CYP27C1: variants seen among roughly 807,000 people sequenced by gnomAD.
CYP27C1 encodes the protein cytochrome P450 27C1.
In CYP27C1, 29 loss-of-function variants were observed where a neutral mutation model predicts 40.6. That is an observed-to-expected ratio of 0.71 (90% CI 0.53 to 0.97). CYP27C1 has a LOEUF of 0.97. Among genes scored for constraint, CYP27C1 ranks in the 50% least tolerant of loss-of-function variants. The pLI is 0.00. For missense variants in CYP27C1, 390 were observed against 485.8 expected, an observed-to-expected ratio of 0.80 and a Z score of 1.85; for synonymous variants, 198 against 186.8, an observed-to-expected ratio of 1.06 and a Z score of -0.49.
At chr2:127,199,757 T>A (rs1682989537) in intron 4 of CYP27C1, among the ~76,000 whole-genome samples, 1 of 152,228 alleles carries the variant, frequency 6.6e-6, no homozygotes, top group African/African-American at 2.4e-5. Flanking sequence ...GTATCTTCCT[T>A]TTTAAAAATA....
intron 8 of CYP27C1, 104 bp from the exon 9 acceptor site, chr2:127,187,491 G>C (rs1682657650): frequency 1.0e-6 from 1 of 990,098 alleles, no homozygotes; most frequent in Non-Finnish European, 1.6e-6. Context: ...GGGCTGCAGA[G>C]AGCGCAGGCA....
chr2:127,202,408 G>A (rs761171307), intron 3 of CYP27C1, among the ~76,000 whole-genome samples: 12 of 152,176 alleles, frequency 7.9e-5, no homozygotes, highest in Non-Finnish European at 1.8e-4. Flanking sequence ...TTACAGGCGT[G>A]AGCCACCGCA....
intron 1 of CYP27C1, among the ~76,000 whole-genome samples, chr2:127,216,713 T>C (rs1683437145): frequency 6.6e-6 from 1 of 152,172 alleles, no homozygotes; most frequent in Non-Finnish European, 1.5e-5. Flanking sequence ...TAAAAAGAAA[T>C]CACAATAAAT....
rs1308069177 is a variant in CYP27C1, at chr2:127,204,421, G to C, written c.474-850C>G. 5.2e-4 allele frequency among the ~76,000 whole-genome samples: 63 copies of C among 121,486 alleles called. 2 individuals are homozygous for C. Among genetic ancestry groups the C allele is most frequent in the Admixed American group, 4.4e-3 (51 of 11,638 alleles). 79.7% of individuals were successfully genotyped at this position (121,486 alleles called of 152,430 possible). A position where few individuals can be genotyped will look rare whatever the true frequency, so the allele number is the denominator to read the frequency against. On this transcript the variant is annotated intron_variant, in intron 2 of 8. Coordinates refer to ENST00000664447, the MANE Select transcript of CYP27C1 (RefSeq NM_001367502.1). ...GAGAGAGAGAAAGAAAGAAAAGAAA[G>C]AGAGAAAGGAAAGAAAGAAAAAGAA...
At chr2:127,197,900 C>T (rs1682940811) in intron 5 of CYP27C1, among the ~76,000 whole-genome samples, 1 of 151,986 alleles carries the variant, frequency 6.6e-6, no homozygotes, top group Non-Finnish European at 1.5e-5. Context: ...CAGCCAAAAA[C>T]CCATGTTAAC....
intron 1 of CYP27C1, among the ~76,000 whole-genome samples, chr2:127,214,690 A>AACTTAGAT (rs559760295): frequency 6.7e-4 from 102 of 151,908 alleles, no homozygotes; most frequent in Non-Finnish European, 1.3e-3. Context: ...GAGGGGAGGA[A>AACTTAGAT]ACTTAGATGG....
At chr2:127,215,017 T>C (rs1458180829) in intron 1 of CYP27C1, among the ~76,000 whole-genome samples, 1 of 151,204 alleles carries the variant, frequency 6.6e-6, no homozygotes, top group African/African-American at 2.4e-5. Context: ...TAGTCCCAGC[T>C]ACTCGGGAGG....
Position 127,208,722 on chromosome 2 carries a change from A to C in CYP27C1, c.283-2632T>G, listed in dbSNP as rs182331376. Among the ~76,000 whole-genome samples, 42 of 152,240 alleles carry C rather than the reference A, an allele frequency of 2.8e-4. No homozygotes were observed. In the East Asian group the frequency reaches 7.9e-3, roughly 29 times the overall value. ...AAGAGTTATCCCCACAGCTCAACAC[A>C]CCAGCTGTGGCAGTTGGCAGCCAGA... On this transcript the variant is annotated intron_variant, in intron 1 of 8. Coordinates refer to ENST00000664447, the MANE Select transcript of CYP27C1 (RefSeq NM_001367502.1). The surrounding 1 kb of genome is among the most constrained non-coding windows in gnomAD (Gnocchi z 5.2).
At chr2:127,199,057 G>A (rs1355178798) in intron 5 of CYP27C1, among the ~76,000 whole-genome samples, 1 of 152,202 alleles carries the variant, frequency 6.6e-6, no homozygotes, top group Non-Finnish European at 1.5e-5. Flanking sequence ...GGCCAAGGCG[G>A]GTGGATCACC....
In CYP27C1 at chr2:127,189,439, A is replaced by T. The variant is rs568116752; in HGVS notation, c.1498-2052T>A. Reference sequence around the variant, plus strand: ...GGACACAGGGAGGGGAACATCACACACAGGGGCCTGTCAGGGGGATAGGGG... The same window carrying T: ...GGACACAGGGAGGGGAACATCACACTCAGGGGCCTGTCAGGGGGATAGGGG... On this transcript the variant is annotated intron_variant, in intron 8 of 8. Coordinates refer to ENST00000664447, the MANE Select transcript of CYP27C1 (RefSeq NM_001367502.1). 1.2e-4 allele frequency among the ~76,000 whole-genome samples: 19 copies of T among 152,058 alleles called. 1 individual carries two copies. Among genetic ancestry groups the T allele is most frequent in the African/African-American group, 4.6e-4 (19 of 41,492 alleles).
chr2:127,204,559 A>G (rs796712420), intron 2 of CYP27C1, among the ~76,000 whole-genome samples: 2,871 of 35,188 alleles, frequency 0.082, 67 homozygotes, highest in Admixed American at 0.13. Flanking sequence ...GAGAGAGAGA[A>G]AGAAAGAAAG....
At position 127,185,063 on chromosome 2, in the gene CYP27C1, C is replaced by A; in HGVS notation, c.*2208G>T. Reference sequence around the variant, plus strand: ...CAAACTCCTGGCCTCAAGCAATCCTCCTGCCTCAACCTCCCCAGAGTGCTG... The same window carrying A: ...CAAACTCCTGGCCTCAAGCAATCCTACTGCCTCAACCTCCCCAGAGTGCTG... On this transcript the variant is annotated 3_prime_UTR_variant, in exon 9 of 9. Coordinates refer to ENST00000664447, the MANE Select transcript of CYP27C1 (RefSeq NM_001367502.1). This position sits in a 1 kb window ranked among gnomAD's most constrained non-coding sequence, Gnocchi z 4.9. 1 of 152,750 alleles carries A rather than the reference C, an allele frequency of 6.5e-6. No individual in the cohort carries two copies. Among genetic ancestry groups the A allele is most frequent in the South Asian group, 2.0e-4 (1 of 5,002 alleles). 9.5% of individuals were successfully genotyped at this position (152,750 alleles called of 1,614,324 possible). A position where few individuals can be genotyped will look rare whatever the true frequency, so the allele number is the denominator to read the frequency against.
intron 6 of CYP27C1, among the ~76,000 whole-genome samples, chr2:127,194,219 C>T (rs1682851733): frequency 6.6e-6 from 1 of 152,082 alleles, no homozygotes; most frequent in South Asian, 2.1e-4. Flanking sequence ...GACTTAAGGC[C>T]CCATGAAATG....
At position 127,204,445 on chromosome 2, in the gene CYP27C1, AAAG is replaced by A. The variant is rs1391063473; in HGVS notation, c.474-877_474-875del. On this transcript the variant is annotated intron_variant, in intron 2 of 8. Coordinates refer to ENST00000664447, the MANE Select transcript of CYP27C1 (RefSeq NM_001367502.1). ...AGAGAGAAAGGAAAGAAAGAAAAAG[AAAG>A]AAAGAAAGAAAGAAAGAAAGAAAGA... 1.2e-4 allele frequency among the ~76,000 whole-genome samples: 3 copies of A among 25,506 alleles called. 1 individual carries two copies. Among genetic ancestry groups the A allele is most frequent in the African/African-American group, 3.1e-4 (2 of 6,472 alleles). 16.7% of individuals were successfully genotyped at this position (25,506 alleles called of 152,430 possible).
In CYP27C1 at chr2:127,220,161, A is replaced by G. The variant is rs950006231; in HGVS notation, c.110T>C (p.Leu37Pro). ...GTCCTCGGCCCGCGCCCCCGCCGGG[A>G]GCCGTGCGCCCGCGGGTTGAGGCCG... ...PRRPQPAGAR[L>P]PAGARAEDKG... Residue 37 changes from leucine to proline, a missense_variant, in exon 1 of 9, where the codon CTC becomes CCC. Physicochemically the swap from Leu to Pro is moderately conservative, Grantham distance 98. Coordinates refer to ENST00000664447, the MANE Select transcript of CYP27C1 (RefSeq NM_001367502.1). This position sits in a 1 kb window ranked among gnomAD's most constrained non-coding sequence, Gnocchi z 4.6. 6.7e-6 allele frequency: 1 copy of G among 149,334 alleles called. No homozygotes were observed. The highest frequency in any genetic ancestry group is 1.5e-5 in the Non-Finnish European group (1 of 67,150). The allele number at this position is 149,334 out of a possible 1,614,324, so 9.3% of individuals were successfully genotyped here.
chr2:127,205,729 A>G, intron 2 of CYP27C1, 171 bp downstream of exon 2: 1 of 985,508 alleles, frequency 1.0e-6, no homozygotes, highest in South Asian at 4.7e-5. Flanking sequence ...CAGAAAGCCC[A>G]GCAGGGCTCT....
chr2:127,218,722 C>T lies in CYP27C1; in HGVS notation c.282+1267G>A, dbSNP rs908777656. Among the ~76,000 whole-genome samples, 17 of 152,128 alleles carry T rather than the reference C, an allele frequency of 1.1e-4. No homozygotes were observed. The highest frequency in any genetic ancestry group is 2.5e-4 in the Non-Finnish European group (17 of 68,022). On this transcript the variant is annotated intron_variant, in intron 1 of 8. Transcript: ENST00000664447. This position sits in a 1 kb window ranked among gnomAD's most constrained non-coding sequence, Gnocchi z 6.0. ...TTCGATGGAGAAGGGTCTCGAAAGA[C>T]CGGAACTCTGGGCAGAAGGACAGGC...
chr2:127,193,015 A>C, intron 8 of CYP27C1, 79 bp downstream of exon 8: 1 of 1,541,544 alleles, frequency 6.5e-7, no homozygotes, highest in Non-Finnish European at 8.8e-7. Context: ...TTTGCTTTTC[A>C]ACCTGGAAGT....
intron 1 of CYP27C1, among the ~76,000 whole-genome samples, chr2:127,216,299 T>C (rs1047736518): frequency 5.9e-5 from 9 of 152,206 alleles, no homozygotes; most frequent in African/African-American, 2.2e-4. Flanking sequence ...CAAATGTCTA[T>C]GAACTGATGA....
Sources: allele counts gnomAD v4.1 joint callset (sites outside exome capture counted in the v4.1 genomes callset), GRCh38; gene constraint gnomAD v4.1.1; non-coding constraint Gnocchi (gnomAD v3.1); transcripts MANE v1.5; gene names NCBI Gene and HGNC (gene_info 2026-07-23, HGNC 2026-07-21).